ZNF469: variants seen among roughly 807,000 people sequenced by gnomAD.
The protein encoded by ZNF469 is zinc finger protein 469.
ZNF469 carries 1 observed loss-of-function variant against 1.0 expected under a neutral mutation model. That is an observed-to-expected ratio of 1.00 (90% CI 0.35 to 4.73). ZNF469 has a LOEUF of 4.73. Among genes scored for constraint, ZNF469 ranks in the 30% most tolerant of loss-of-function variants. The pLI, the probability that ZNF469 is intolerant of heterozygous loss-of-function variation, is 0.16. For synonymous variants in ZNF469, 2,703 were observed against 2,363.4 expected (o/e 1.14, Z -4.17); for missense variants, 6,100 against 5,356.3 (o/e 1.14, Z -4.33).
At chr16:88,383,952 A>G (rs941640797) in intron 1 of ZNF469, among the ~76,000 whole-genome samples, 6 of 152,160 alleles carry the variant, frequency 3.9e-5, no homozygotes, top group Admixed American at 2.0e-4. Flanking sequence ...GGGAAGGCCA[A>G]TGGGGCTCGG....
chr16:88,246,851 G>GTGAA, the ZNF469 span, among the ~76,000 whole-genome samples: 1 of 151,560 alleles, frequency 6.6e-6, no homozygotes, highest in African/African-American at 2.4e-5. Flanking sequence ...GAATGAGTGA[G>GTGAA]TGAATGAGCA....
the ZNF469 span, among the ~76,000 whole-genome samples, chr16:88,263,156 T>C: frequency 6.6e-6 from 1 of 152,188 alleles, no homozygotes; most frequent in African/African-American, 2.4e-5. Flanking sequence ...CACTGGTCTG[T>C]CCAACCCCGG....
In ZNF469 at chr16:88,430,094, G is replaced by A. The variant is rs1378874039; in HGVS notation, c.2624G>A (p.Gly875Asp). ...GTCTTCGCGGACGAGGAGCCTTCCG[G>A]CCCCAGAGGTCCCAGCTCCGGACAC... is the stretch of plus-strand genomic sequence containing the variant. ...IDVFADEEPSGPRGPSSGHPL... is the reference protein window; with the variant it reads ...IDVFADEEPSDPRGPSSGHPL... The change falls in exon 3 of 3, where the codon GGC becomes GAC. Residue 875 changes from glycine (G) to aspartate (D), a missense_variant. Transcript: ENST00000565624. 1 of 1,542,410 alleles carries A rather than the reference G, an allele frequency of 6.5e-7. No homozygotes were observed. Among genetic ancestry groups the A allele is most frequent in the East Asian group, 2.4e-5 (1 of 40,912 alleles).
the ZNF469 span, among the ~76,000 whole-genome samples, chr16:88,227,595 C>T: frequency 2.7e-5 from 4 of 148,880 alleles, no homozygotes; most frequent in African/African-American, 5.0e-5. Context: ...CTCCCTCCCT[C>T]GAGTCTCCCC....
the ZNF469 span, among the ~76,000 whole-genome samples, chr16:88,226,253 G>A: frequency 6.6e-6 from 1 of 152,146 alleles, no homozygotes; most frequent in Non-Finnish European, 1.5e-5. Context: ...CCCCCAGCAC[G>A]CAGGATGTGA....
chr16:88,323,257 T>A, the ZNF469 span, among the ~76,000 whole-genome samples: 1 of 152,054 alleles, frequency 6.6e-6, no homozygotes, highest in Non-Finnish European at 1.5e-5. Flanking sequence ...GGTGGTGCAG[T>A]GCCATGCCCC....
chr16:88,158,015 G>C, the ZNF469 span, among the ~76,000 whole-genome samples: 4 of 152,192 alleles, frequency 2.6e-5, no homozygotes, highest in Admixed American at 6.5e-5. Context: ...CACCTGGGCC[G>C]GCAACGTGGT....
chr16:88,371,367 G>A, the ZNF469 span, among the ~76,000 whole-genome samples: 1 of 152,224 alleles, frequency 6.6e-6, no homozygotes, highest in African/African-American at 2.4e-5. Flanking sequence ...GAGCAATCAA[G>A]TTCTCACATT....
chr16:88,152,691 G>C, the ZNF469 span, among the ~76,000 whole-genome samples: 1 of 152,110 alleles, frequency 6.6e-6, no homozygotes, highest in Non-Finnish European at 1.5e-5. This position sits in a 1 kb window ranked among gnomAD's most constrained non-coding sequence, Gnocchi z 4.2. Flanking sequence ...TTTAATGTAA[G>C]AATTACTTAG....
chr16:88,195,994 G>A, the ZNF469 span, among the ~76,000 whole-genome samples: 2 of 152,246 alleles, frequency 1.3e-5, no homozygotes, highest in Admixed American at 6.5e-5. Flanking sequence ...GCTGCGTCGT[G>A]ATCCACAGAC....
chr16:88,325,105 T>A, the ZNF469 span, among the ~76,000 whole-genome samples: 3 of 128,940 alleles, frequency 2.3e-5, no homozygotes, highest in Admixed American at 8.1e-5. Context: ...TGCGGCATAC[T>A]CAGGGTCTCA....
chr16:88,288,169 G>A, the ZNF469 span, among the ~76,000 whole-genome samples: 8 of 152,114 alleles, frequency 5.3e-5, no homozygotes, highest in East Asian at 1.9e-4. Context: ...CCATCTTACC[G>A]GGGAGTATCT....
At chr16:88,309,311 C>A in the ZNF469 span, among the ~76,000 whole-genome samples, 1 of 152,220 alleles carries the variant, frequency 6.6e-6, no homozygotes, top group Non-Finnish European at 1.5e-5. Flanking sequence ...TACAGGGACA[C>A]CTCCGAGCTG....
At chr16:88,422,076 G>T (rs949450547) in intron 1 of ZNF469, among the ~76,000 whole-genome samples, 1 of 150,262 alleles carries the variant, frequency 6.7e-6, no homozygotes, top group South Asian at 2.1e-4. Flanking sequence ...AGGGTGGACG[G>T]GTGGCTGACT....
Position 88,428,099 on chromosome 16 carries a change from C to T in ZNF469, c.629C>T (p.Pro210Leu). 3 of 1,549,742 alleles carry T rather than the reference C, an allele frequency of 1.9e-6. No homozygotes were observed. Among genetic ancestry groups the T allele is most frequent in the Non-Finnish European group, 2.6e-6 (3 of 1,146,690 alleles). The change falls in exon 3 of 3, where the codon CCC becomes CTC. Residue 210 changes from proline to leucine, a missense_variant. Coordinates refer to ENST00000565624, the MANE Select transcript of ZNF469 (RefSeq NM_001367624.2). ...SATPRPPAPG[P>L]PQSRGTSPLQ... ...ACCCCCAGGCCCCCAGCCCCGGGGC[C>T]CCCCCAGAGCAGGGGCACCAGCCCC...
At chr16:88,326,709 AC>A in the ZNF469 span, among the ~76,000 whole-genome samples, 1 of 151,404 alleles carries the variant, frequency 6.6e-6, no homozygotes, top group Admixed American at 6.6e-5. Context: ...GACTCATGGG[AC>A]CCCCGCTGTG....
rs981505457 is a variant in ZNF469 at position 88,430,642 on chromosome 16, A to C, written c.3172A>C (p.Lys1058Gln). 15 of 1,497,326 alleles carry C rather than the reference A, an allele frequency of 1.0e-5. No individual in the cohort carries two copies. Among genetic ancestry groups the C allele is most frequent in the Admixed American group, 6.4e-5 (3 of 47,034 alleles). 92.8% of individuals were successfully genotyped at this position (1,497,326 alleles called of 1,614,324 possible). The part of the protein sequence containing the change: ...KELILKIVQQ[K>Q]NRRHRRLGRR... ...GCTCATTCTGAAGATCGTGCAGCAG[A>C]AGAACAGGCGCCACCGGCGGCTGGG... Residue 1058 changes from lysine to glutamine, a missense_variant, in exon 3 of 3, where the codon AAG (lysine) becomes CAG (glutamine). Coordinates refer to ENST00000565624, the MANE Select transcript of ZNF469 (RefSeq NM_001367624.2).
At chr16:88,413,585 A>G (rs1461780399) in intron 1 of ZNF469, among the ~76,000 whole-genome samples, 1 of 152,232 alleles carries the variant, frequency 6.6e-6, no homozygotes, top group Non-Finnish European at 1.5e-5. Context: ...TTCCGTCCAG[A>G]GTGAGCCTCG....
the ZNF469 span, among the ~76,000 whole-genome samples, chr16:88,377,385 C>T: frequency 1.8e-4 from 27 of 152,350 alleles, no homozygotes; most frequent in East Asian, 5.2e-3. Context: ...CCCATGGCAG[C>T]ACGTGAATGT....
Sources: gnomAD v4.1 joint callset for allele counts (sites outside exome capture counted in the v4.1 genomes callset) on GRCh38, gnomAD v4.1.1 for gene constraint, Gnocchi (gnomAD v3.1) non-coding constraint, MANE v1.5 for transcripts, NCBI Gene and HGNC (gene_info 2026-07-23, HGNC 2026-07-21) for gene names.